Variants in POU6F2 observed in about 807,000 individuals in gnomAD.
The protein encoded by POU6F2 is POU domain, class 6, transcription factor 2.
POU6F2 carries 31 observed loss-of-function variants against 71.3 expected under a neutral mutation model. That is an observed-to-expected ratio of 0.43 (90% CI 0.33 to 0.59). The LOEUF (loss-of-function observed/expected upper bound fraction) is 0.59. Among genes scored for constraint, POU6F2 ranks in the 20% least tolerant of loss-of-function variants. The pLI, the probability that POU6F2 is intolerant of heterozygous loss-of-function variation, is 0.04. For missense variants in POU6F2, 783 were observed against 856.8 expected (o/e 0.91, Z 1.07); for synonymous variants, 347 against 355.7 (o/e 0.98, Z 0.27).
At chr7:39,260,324 T>G (rs1468100971) in intron 4 of POU6F2, among the ~76,000 whole-genome samples, 1 of 132,546 alleles carries the variant, frequency 7.5e-6, no homozygotes, top group African/African-American at 2.9e-5. Flanking sequence ...CACAATACCA[T>G]GCACACACCA....
chr7:39,324,134 C>T (rs1008950455), intron 4 of POU6F2, among the ~76,000 whole-genome samples: 2 of 149,632 alleles, frequency 1.3e-5, no homozygotes, highest in Non-Finnish European at 3.0e-5. Flanking sequence ...AAAAAAAAGG[C>T]TCTTGCAGTG....
chr7:39,138,179 A>G (rs1194154869), intron 2 of POU6F2, among the ~76,000 whole-genome samples: 3 of 152,270 alleles, frequency 2.0e-5, no homozygotes, highest in African/African-American at 7.2e-5. Flanking sequence ...CTATAAAATG[A>G]GAAGAGCAAT....
At chr7:39,357,415 C>G (rs939731600) in intron 5 of POU6F2, among the ~76,000 whole-genome samples, 2 of 152,198 alleles carry the variant, frequency 1.3e-5, no homozygotes, top group Non-Finnish European at 2.9e-5. Flanking sequence ...TCAGAGGAAG[C>G]TGGTAACTCA....
intron 1 of POU6F2, among the ~76,000 whole-genome samples, chr7:39,016,049 A>ATATATATTATATATGATATATAT (rs1562671297): frequency 1.6e-5 from 1 of 64,362 alleles, no homozygotes; most frequent in Non-Finnish European, 3.1e-5. Flanking sequence ...ATTATATATT[A>ATATATATTATATATGATATATAT]TATATATTAT....
chr7:39,208,292 T>C (rs747633623), intron 4 of POU6F2, among the ~76,000 whole-genome samples: 10 of 152,188 alleles, frequency 6.6e-5, no homozygotes, highest in Non-Finnish European at 1.0e-4. Context: ...GACTGATAGA[T>C]TGATTTACAA....
intron 6 of POU6F2, among the ~76,000 whole-genome samples, chr7:39,407,272 A>G (rs1787454945): frequency 6.6e-6 from 1 of 151,964 alleles, no homozygotes; most frequent in East Asian, 1.9e-4. Flanking sequence ...GCCAATTGCA[A>G]GTCAGCCCCA....
intron 4 of POU6F2, among the ~76,000 whole-genome samples, chr7:39,277,803 A>C (rs1562773866): frequency 6.6e-6 from 1 of 152,116 alleles, no homozygotes; most frequent in Non-Finnish European, 1.5e-5. Flanking sequence ...TCACACCTGT[A>C]ATCCCAGCAC....
intron 4 of POU6F2, among the ~76,000 whole-genome samples, chr7:39,219,142 G>A (rs553871807): frequency 3.3e-5 from 5 of 152,110 alleles, no homozygotes; most frequent in African/African-American, 4.8e-5. Flanking sequence ...CATAATCTCC[G>A]CATTAATGTG....
chr7:39,095,204 T>C (rs1264617720), intron 2 of POU6F2, among the ~76,000 whole-genome samples: 1 of 152,320 alleles, frequency 6.6e-6, no homozygotes, highest in East Asian at 1.9e-4. Flanking sequence ...CATTTTATTC[T>C]GATTCCTAAG....
intron 4 of POU6F2, among the ~76,000 whole-genome samples, chr7:39,221,983 T>C (rs1371526904): frequency 2.0e-5 from 3 of 152,234 alleles, no homozygotes; most frequent in Admixed American, 6.5e-5. Flanking sequence ...TATATTTTTT[T>C]CTGGGATTAA....
At chr7:39,021,763 AATG>A (rs1386454177) in intron 1 of POU6F2, among the ~76,000 whole-genome samples, 1 of 152,070 alleles carries the variant, frequency 6.6e-6, no homozygotes, top group Non-Finnish European at 1.5e-5. Flanking sequence ...TGTATAAAAA[AATG>A]ATGATTTACA....
At chr7:39,337,453 C>A (rs1434540028) in intron 4 of POU6F2, among the ~76,000 whole-genome samples, 1 of 152,114 alleles carries the variant, frequency 6.6e-6, no homozygotes, top group African/African-American at 2.4e-5. Context: ...AAGTCTTTAA[C>A]CTTCCCTGCT....
intron 4 of POU6F2, among the ~76,000 whole-genome samples, chr7:39,243,089 GT>G (rs1037114987): frequency 2.6e-5 from 4 of 152,092 alleles, no homozygotes; most frequent in African/African-American, 9.7e-5. Flanking sequence ...TCATAGTTCT[GT>G]TTCTTAGAAT....
intron 7 of POU6F2, among the ~76,000 whole-genome samples, chr7:39,450,267 T>C (rs555612750): frequency 3.7e-4 from 56 of 152,278 alleles, no homozygotes; most frequent in Non-Finnish European, 4.4e-4. Flanking sequence ...CCACCAAAGT[T>C]GAGGTCCTGA....
At chr7:39,242,392 T>TC (rs985921427) in intron 4 of POU6F2, among the ~76,000 whole-genome samples, 9 of 151,886 alleles carry the variant, frequency 5.9e-5, no homozygotes, top group African/African-American at 2.2e-4. Flanking sequence ...TTTTTTTTTT[T>TC]TCTTTTCTTG....
chr7:39,077,172 A>G (rs1791019391), intron 1 of POU6F2, among the ~76,000 whole-genome samples: 1 of 152,202 alleles, frequency 6.6e-6, no homozygotes, highest in Non-Finnish European at 1.5e-5. Context: ...ATGAGCCTGG[A>G]TTGAACTCAT....
At chr7:39,141,440 T>C (rs182639116) in intron 2 of POU6F2, among the ~76,000 whole-genome samples, 4 of 152,316 alleles carry the variant, frequency 2.6e-5, no homozygotes, top group African/African-American at 9.6e-5. Context: ...CCTACTCAGT[T>C]TGATGAGGAA....
chr7:39,105,280 A>G (rs577554462), intron 2 of POU6F2, among the ~76,000 whole-genome samples: 1 of 152,198 alleles, frequency 6.6e-6, no homozygotes, highest in Non-Finnish European at 1.5e-5. Flanking sequence ...ACCACTAGAC[A>G]TTCTAAAAAA....
chr7:39,017,009 A>G (rs1789568525), intron 1 of POU6F2, among the ~76,000 whole-genome samples: 1 of 152,148 alleles, frequency 6.6e-6, no homozygotes, highest in Non-Finnish European at 1.5e-5. Flanking sequence ...TGGGAGGGGA[A>G]GGCTGGAGGT....
Sources: gnomAD v4.1 joint callset for allele counts (sites outside exome capture counted in the v4.1 genomes callset) on GRCh38, gnomAD v4.1.1 for gene constraint, MANE v1.5 for transcripts, NCBI Gene and HGNC (gene_info 2026-07-23, HGNC 2026-07-21) for gene names.